The following RORA variants were observed in gnomAD, a reference collection of about 807,000 sequenced individuals.
RORA encodes the protein nuclear receptor ROR-alpha.
RORA carries 7 observed loss-of-function variants against 69.5 expected under a neutral mutation model. That is an observed-to-expected ratio of 0.10 (90% CI 0.06 to 0.19). The LOEUF (loss-of-function observed/expected upper bound fraction) is 0.19. RORA is among the 10% of genes least tolerant of loss of function. The pLI is 1.00. For missense variants in RORA, 457 were observed against 663.0 expected, an observed-to-expected ratio of 0.69 and a Z score of 3.41; for synonymous variants, 261 against 240.8, an observed-to-expected ratio of 1.08 and a Z score of -0.78.
At chr15:61,099,172 T>C (rs1486427926) in intron 1 of RORA, among the ~76,000 whole-genome samples, 1 of 152,196 alleles carries the variant, frequency 6.6e-6, no homozygotes, top group Admixed American at 6.5e-5. Flanking sequence ...CTCAAGAACA[T>C]ATCTAATTAC....
chr15:61,132,636 A>G (rs561852734), intron 1 of RORA, among the ~76,000 whole-genome samples: 1 of 152,350 alleles, frequency 6.6e-6, no homozygotes, highest in East Asian at 1.9e-4. Flanking sequence ...TTCTTTAGCA[A>G]TTATAAACAT....
At position 60,638,569 on chromosome 15, in the gene RORA, T is replaced by C. The variant is rs187780751; in HGVS notation, c.196+40088A>G. On this transcript the variant is annotated intron_variant, in intron 2 of 10. Coordinates refer to ENST00000335670, the MANE Select transcript of RORA (RefSeq NM_134261.3). Reference sequence around the variant, plus strand: ...ACAGAAACACTAAAACTCATCTCATTAGAAGAGGTTTTGTGAAAATGAGAC... The same window carrying C: ...ACAGAAACACTAAAACTCATCTCATCAGAAGAGGTTTTGTGAAAATGAGAC... Among the ~76,000 whole-genome samples, 6 of 152,256 alleles carry C rather than the reference T, an allele frequency of 3.9e-5. No homozygotes were observed. The East Asian group carries it at 1.2e-3, about 29-fold the overall frequency.
intron 3 of RORA, among the ~76,000 whole-genome samples, chr15:60,524,052 C>G (rs1283754980): frequency 6.6e-6 from 1 of 152,176 alleles, no homozygotes; most frequent in African/African-American, 2.4e-5. Context: ...CATCATCTTT[C>G]CCTCAGTTAC....
intron 1 of RORA, among the ~76,000 whole-genome samples, chr15:60,991,978 A>G (rs1245548448): frequency 6.6e-6 from 1 of 152,158 alleles, no homozygotes; most frequent in Non-Finnish European, 1.5e-5. Flanking sequence ...TCAATGTCTA[A>G]CAATAAGAAA....
chr15:60,664,555 G>A (rs533520108), intron 2 of RORA, among the ~76,000 whole-genome samples: 6 of 152,224 alleles, frequency 3.9e-5, no homozygotes, highest in South Asian at 2.1e-4. Context: ...GCTAATAGAC[G>A]CCTCATGAGA....
chr15:60,898,604 C>T (rs752568827), intron 1 of RORA, among the ~76,000 whole-genome samples: 15 of 151,832 alleles, frequency 9.9e-5, no homozygotes, highest in Admixed American at 5.2e-4. Context: ...GAGGCTGAGG[C>T]GGGAAGATCA....
At chr15:60,497,714 T>C in intron 10 of RORA, 95 bp from the exon 11 acceptor site, 1 of 1,035,714 alleles carries the variant, frequency 9.7e-7, no homozygotes, top group South Asian at 1.5e-5. Flanking sequence ...TTGTTTATAA[T>C]GGTGAAACAC....
At chr15:60,992,928 C>T (rs139345622) in intron 1 of RORA, among the ~76,000 whole-genome samples, 3 of 152,160 alleles carry the variant, frequency 2.0e-5, no homozygotes, top group African/African-American at 7.2e-5. Context: ...AGTGCTTCAG[C>T]ATGAAACTAC....
At chr15:60,569,064 C>T (rs2067799571) in intron 2 of RORA, among the ~76,000 whole-genome samples, 1 of 151,724 alleles carries the variant, frequency 6.6e-6, no homozygotes, top group Non-Finnish European at 1.5e-5. Flanking sequence ...TATCTTCTGG[C>T]ATTTAGAATC....
chr15:61,063,023 G>T (rs1371451568), intron 1 of RORA, among the ~76,000 whole-genome samples: 1 of 152,146 alleles, frequency 6.6e-6, no homozygotes, highest in African/African-American at 2.4e-5. Flanking sequence ...ACAATATAAG[G>T]CATGAAGAGT....
intron 1 of RORA, among the ~76,000 whole-genome samples, chr15:61,070,768 A>G (rs528538350): frequency 6.6e-6 from 1 of 152,226 alleles, no homozygotes; most frequent in Non-Finnish European, 1.5e-5. Context: ...ACTCAAACTG[A>G]AGGCTATCTG....
chr15:60,880,844 G>C (rs4775310), intron 1 of RORA, among the ~76,000 whole-genome samples: 16,309 of 152,204 alleles, frequency 0.11, 1,005 homozygotes, highest in Admixed American at 0.2. Flanking sequence ...GAGAAAGCCA[G>C]AAATAAAAAA....
chr15:60,831,046 T>C lies in RORA; in HGVS notation c.167-152360A>G, dbSNP rs114819962. Among the ~76,000 whole-genome samples, 1,520 of 152,342 alleles carry C rather than the reference T, an allele frequency of 1.0e-2. 26 individuals are homozygous for C. Among genetic ancestry groups the C allele is most frequent in the African/African-American group, 0.035 (1,456 of 41,570 alleles). On this transcript the variant is annotated intron_variant, in intron 1 of 10. Transcript: ENST00000335670. ...GTATAGTCAGCGAGGAGACTGAGAA[T>C]ACCTGGAGAGGCGATAGTGAAAGAG...
intron 1 of RORA, among the ~76,000 whole-genome samples, chr15:60,846,155 A>C (rs1438470753): frequency 6.6e-6 from 1 of 152,224 alleles, no homozygotes; most frequent in Non-Finnish European, 1.5e-5. Flanking sequence ...TGGTTGAGAC[A>C]ATAACTATTG....
At chr15:61,165,024 C>T (rs2079528800) in intron 1 of RORA, among the ~76,000 whole-genome samples, 1 of 152,160 alleles carries the variant, frequency 6.6e-6, no homozygotes, top group African/African-American at 2.4e-5. Context: ...TCCATCACAC[C>T]CTCCAAAGCT....
At chr15:60,947,016 TG>T (rs1204410896) in intron 1 of RORA, among the ~76,000 whole-genome samples, 11 of 126,464 alleles carry the variant, frequency 8.7e-5, no homozygotes, top group Admixed American at 5.7e-4. Flanking sequence ...GGGAGGGAGG[TG>T]GGGGGCCAGC....
chr15:60,617,883 C>T (rs1173331581), intron 2 of RORA, among the ~76,000 whole-genome samples: 1 of 152,086 alleles, frequency 6.6e-6, no homozygotes, highest in African/African-American at 2.4e-5. Flanking sequence ...CTGGCTATGT[C>T]AGGGTGTTGC....
At chr15:61,116,518 G>T (rs1018055586) in intron 1 of RORA, among the ~76,000 whole-genome samples, 1 of 152,160 alleles carries the variant, frequency 6.6e-6, no homozygotes, top group African/African-American at 2.4e-5. Flanking sequence ...ATTCCTTTGA[G>T]GTGACTGATT....
chr15:60,850,906 G>C (rs183745671), intron 1 of RORA, among the ~76,000 whole-genome samples: 64 of 152,300 alleles, frequency 4.2e-4, no homozygotes, highest in Non-Finnish European at 8.2e-4. Flanking sequence ...ACGAAAACAA[G>C]ACTGCTTTCT....
Sources: gnomAD v4.1 joint callset for allele counts (sites outside exome capture counted in the v4.1 genomes callset) on GRCh38, gnomAD v4.1.1 for gene constraint, MANE v1.5 for transcripts, NCBI Gene and HGNC (gene_info 2026-07-23, HGNC 2026-07-21) for gene names.